SEMA3A: variants seen among roughly 807,000 people sequenced by gnomAD.
SEMA3A encodes semaphorin-3A.
Under a neutral mutation model 97.9 loss-of-function variants are expected in SEMA3A, and 29 were observed. The observed-to-expected ratio is 0.30, with a 90% CI of 0.22 to 0.40. The LOEUF (loss-of-function observed/expected upper bound fraction) is 0.40. SEMA3A is among the 10% of genes least tolerant of loss of function. SEMA3A has a pLI of 1.00. For synonymous variants in SEMA3A, 321 were observed against 323.7 expected, an observed-to-expected ratio of 0.99 and a Z score of 0.09; for missense variants, 763 against 951.3, an observed-to-expected ratio of 0.80 and a Z score of 2.60.
intron 6 of SEMA3A, among the ~76,000 whole-genome samples, chr7:84,016,764 A>G (rs1357382381): frequency 6.6e-6 from 1 of 152,202 alleles, no homozygotes; most frequent in African/African-American, 2.4e-5. Flanking sequence ...GACATGTGAA[A>G]CAAATTTGTA....
chr7:84,121,885 C>T lies in SEMA3A; in HGVS notation c.333+7238G>A, dbSNP rs1367904360. ...CGATCTCTTGACCTCGTGATCCGCC[C>T]GCCTCGGCCTCCCAAAGTGCTGGGA... On this transcript the variant is annotated intron_variant, in intron 3 of 16. Coordinates refer to ENST00000265362, the MANE Select transcript of SEMA3A (RefSeq NM_006080.3). Among the ~76,000 whole-genome samples the T allele has an allele frequency of 1.0e-4, 5 of 48,240 alleles. 2 individuals are homozygous for T. Among genetic ancestry groups the T allele is most frequent in the Admixed American group, 8.5e-4 (3 of 3,524 alleles). The allele number at this position is 48,240 out of a possible 152,430, so 31.6% of individuals were successfully genotyped here.
rs1441386560 is a variant in SEMA3A at position 83,958,372 on chromosome 7, G to T, written c.*2999C>A. 1.3e-5 allele frequency: 2 copies of T among 152,458 alleles called. No homozygotes were observed. Among genetic ancestry groups the T allele is most frequent in the African/African-American group, 4.8e-5 (2 of 41,418 alleles). 9.4% of individuals were successfully genotyped at this position (152,458 alleles called of 1,614,324 possible). On this transcript the variant is annotated 3_prime_UTR_variant, in exon 17 of 17. Coordinates refer to ENST00000265362, the MANE Select transcript of SEMA3A (RefSeq NM_006080.3). The stretch of plus-strand genomic sequence containing the variant: ...TTGAAGAAATGTGTATTTAGCAAGT[G>T]AATACATGCTAAAAGGAATAATTTA...
intron 1 of SEMA3A, among the ~76,000 whole-genome samples, chr7:84,419,517 G>C (rs923829958): frequency 2.1e-5 from 3 of 146,138 alleles, no homozygotes; most frequent in African/African-American, 8.0e-5. Flanking sequence ...TAATCTCACA[G>C]CTGCATGAGA....
chr7:84,136,886 C>T (rs912328584), intron 1 of SEMA3A, among the ~76,000 whole-genome samples: 3 of 150,958 alleles, frequency 2.0e-5, no homozygotes, highest in Non-Finnish European at 3.0e-5. Context: ...TACTCCCTAC[C>T]CCACCCCACT....
At chr7:84,154,466 A>C (rs1796772231) in intron 1 of SEMA3A, among the ~76,000 whole-genome samples, 1 of 152,068 alleles carries the variant, frequency 6.6e-6, no homozygotes, top group South Asian at 2.1e-4. Flanking sequence ...TCACAAGGTC[A>C]GGAGTTCGAG....
At chr7:84,287,163 A>T (rs985475338) in intron 3 of SEMA3A, among the ~76,000 whole-genome samples, 3 of 152,076 alleles carry the variant, frequency 2.0e-5, no homozygotes, top group African/African-American at 7.2e-5. Flanking sequence ...AATCATCCAA[A>T]GCCTAGAATC....
intron 12 of SEMA3A, among the ~76,000 whole-genome samples, chr7:83,992,105 C>T (rs1346494619): frequency 3.1e-4 from 43 of 140,858 alleles, no homozygotes; most frequent in Middle Eastern, 3.6e-3. Context: ...AGTTTATTTG[C>T]GTAGAGGTGT....
intron 1 of SEMA3A, among the ~76,000 whole-genome samples, chr7:84,472,641 C>G (rs974953255): frequency 2.0e-5 from 3 of 152,212 alleles, no homozygotes; most frequent in Middle Eastern, 3.4e-3. Flanking sequence ...TAAATAAAAT[C>G]TTCTGTTAAA....
At chr7:83,989,465 CCCT>C (rs1789795582) in intron 12 of SEMA3A, among the ~76,000 whole-genome samples, 1 of 114,616 alleles carries the variant, frequency 8.7e-6, no homozygotes, top group Admixed American at 1.0e-4. Context: ...TATCCCTCCC[CCCT>C]CCCCCCACCC....
intron 5 of SEMA3A, among the ~76,000 whole-genome samples, chr7:84,053,422 A>T (rs1227376722): frequency 4.0e-5 from 4 of 101,066 alleles, no homozygotes; most frequent in African/African-American, 1.2e-4. Flanking sequence ...TATATTTAGG[A>T]TAGTTAGCTC....
chr7:84,375,977 A>AT (rs1468073200), intron 1 of SEMA3A, among the ~76,000 whole-genome samples: 5 of 152,176 alleles, frequency 3.3e-5, no homozygotes, highest in African/African-American at 1.2e-4. Context: ...TTCACTTAAC[A>AT]TAAGGACCTC....
At chr7:84,054,976 G>C in intron 5 of SEMA3A, among the ~76,000 whole-genome samples, 1 of 152,134 alleles carries the variant, frequency 6.6e-6, no homozygotes, top group Non-Finnish European at 1.5e-5. Flanking sequence ...TGAGGTGTCA[G>C]TCTGCCCCTG....
intron 1 of SEMA3A, among the ~76,000 whole-genome samples, chr7:84,436,507 T>A (rs931177445): frequency 6.6e-6 from 1 of 152,150 alleles, no homozygotes; most frequent in African/African-American, 2.4e-5. Context: ...TCTAAGCTAA[T>A]GCAATATGCA....
intron 1 of SEMA3A, among the ~76,000 whole-genome samples, chr7:84,418,985 A>G (rs1804515483): frequency 6.6e-6 from 1 of 152,080 alleles, no homozygotes; most frequent in African/African-American, 2.4e-5. Context: ...ATATACATAC[A>G]TACATATCTT....
At chr7:84,094,722 CA>C (rs1794703950) in intron 4 of SEMA3A, among the ~76,000 whole-genome samples, 1 of 152,014 alleles carries the variant, frequency 6.6e-6, no homozygotes, top group Non-Finnish European at 1.5e-5. Flanking sequence ...ACACACTTTG[CA>C]ACACAAAAAC....
chr7:84,022,088 A>G (rs1791350282), intron 6 of SEMA3A, among the ~76,000 whole-genome samples: 2 of 152,168 alleles, frequency 1.3e-5, no homozygotes, highest in Admixed American at 6.5e-5. Context: ...GATTTTGTCA[A>G]TAGGATTAAA....
chr7:84,083,241 T>A (rs931192590), intron 4 of SEMA3A, among the ~76,000 whole-genome samples: 1 of 151,862 alleles, frequency 6.6e-6, no homozygotes, highest in Non-Finnish European at 1.5e-5. Context: ...TATTTGTACT[T>A]TACTATATAC....
At chr7:84,174,319 T>A (rs1395877518) in intron 1 of SEMA3A, among the ~76,000 whole-genome samples, 2 of 152,146 alleles carry the variant, frequency 1.3e-5, no homozygotes, top group Non-Finnish European at 2.9e-5. Context: ...CTCTGGAAAT[T>A]TTACATGAAC....
At chr7:84,403,928 A>G (rs1248543344) in intron 1 of SEMA3A, among the ~76,000 whole-genome samples, 1 of 152,114 alleles carries the variant, frequency 6.6e-6, no homozygotes, top group Non-Finnish European at 1.5e-5. Flanking sequence ...GGTAGATAAA[A>G]CCACAAAGAT....
Sources: gnomAD v4.1 joint callset for allele counts (sites outside exome capture counted in the v4.1 genomes callset) on GRCh38, gnomAD v4.1.1 for gene constraint, MANE v1.5 for transcripts, NCBI Gene and HGNC (gene_info 2026-07-23, HGNC 2026-07-21) for gene names.